Variants in IDH3B observed in about 807,000 individuals in gnomAD.
IDH3B encodes isocitrate dehydrogenase (NAD(+)) 3 non-catalytic subunit beta.
Under a neutral mutation model 47.5 loss-of-function variants are expected in IDH3B, and 40 were observed. The observed-to-expected ratio is 0.84, with a 90% CI of 0.65 to 1.10. The LOEUF (loss-of-function observed/expected upper bound fraction) is 1.10. IDH3B is among the 50% of genes least tolerant of loss of function. IDH3B has a pLI of 0.00. For synonymous variants in IDH3B, 185 were observed against 191.0 expected, an observed-to-expected ratio of 0.97 and a Z score of 0.26; for missense variants, 450 against 505.2, an observed-to-expected ratio of 0.89 and a Z score of 1.05.
At chr20:2,663,876 G>A (rs754870309) in intron 2 of IDH3B, 49 bp downstream of exon 2, 4 of 1,600,832 alleles carry the variant, frequency 2.5e-6, no homozygotes, top group Non-Finnish European at 3.4e-6. Context: ...AGGGAGCAGC[G>A]AGGAAGGGAC....
chr20:2,663,466 T>C lies in IDH3B; in HGVS notation c.317A>G (p.Glu106Gly). The C allele has an allele frequency of 3.1e-6, 5 of 1,614,224 alleles. No individual in the cohort carries two copies. In the South Asian group the frequency reaches 5.5e-5, roughly 18 times the overall value. The part of the protein sequence containing the change: ...KLEQVLSSMK[E>G]NKVAIIGKIH... Reference sequence around the variant, plus strand: ...CATACCAATGATGGCCACTTTGTTCTCCTTCATGGAACTCAGCACCTGCTC... The same window carrying C: ...CATACCAATGATGGCCACTTTGTTCCCCTTCATGGAACTCAGCACCTGCTC... The change falls in exon 4 of 12, where the codon GAG becomes GGG. Residue 106 changes from glutamate to glycine, a missense_variant. Physicochemically the swap from Glu to Gly is moderately conservative, Grantham distance 98. Transcript: ENST00000380843.
Position 2,658,588 on chromosome 20 carries a change from C to G in IDH3B, c.*163G>C. On this transcript the variant is annotated 3_prime_UTR_variant, in exon 12 of 12. Coordinates refer to ENST00000380843, the MANE Select transcript of IDH3B (RefSeq NM_006899.5). ...CATCCTAACAATCCCCATCACCACC[C>G]AACAGTCTGTCCCCTAAGGAAGCCG... 6.2e-7 allele frequency: 1 copy of G among 1,612,090 alleles called. No homozygotes were observed. Among genetic ancestry groups the G allele is most frequent in the Non-Finnish European group, 8.5e-7 (1 of 1,179,048 alleles).
chr20:2,658,461 G>T lies in IDH3B; in HGVS notation c.*290C>A, dbSNP rs371328637. On this transcript the variant is annotated 3_prime_UTR_variant, in exon 12 of 12. Transcript: ENST00000380843. ...CAGGGCCTATGGGTGGGGCAAGGCA[G>T]CAATGACAGCCTCAGTGAAGTCATG... 1 of 1,614,180 alleles carries T rather than the reference G, an allele frequency of 6.2e-7. No individual in the cohort carries two copies.
At chr20:2,659,932 G>A (rs939883825) in intron 9 of IDH3B, 98 bp downstream of exon 9, 247 of 1,542,990 alleles carry the variant, frequency 1.6e-4, no homozygotes, top group Non-Finnish European at 2.0e-4. Context: ...CGTGGGGGAA[G>A]AACAGGCCAA....
Position 2,659,689 on chromosome 20 carries a change from C to T in IDH3B, c.1010+10G>A, listed in dbSNP as rs376336268. ...CACCCAACCTCTGCCGACAGCCTCC[C>T]ATGACCTACTTAAGATGCCGCAGCA... is the stretch of plus-strand genomic sequence containing the variant. On this transcript the variant is annotated intron_variant, in intron 10 of 11. Transcript: ENST00000380843. 6.2e-7 allele frequency: 1 copy of T among 1,613,550 alleles called. No individual in the cohort carries two copies.
At position 2,658,553 on chromosome 20, in the gene IDH3B, G is replaced by C; in HGVS notation, c.*198C>G. 6.2e-7 allele frequency: 1 copy of C among 1,613,264 alleles called. No homozygotes were observed. The highest frequency in any genetic ancestry group is 8.5e-7 in the Non-Finnish European group (1 of 1,179,632). ...GGGGAGAATCATCATCATCCATGTG[G>C]CCTGGGCTCCATCCTAACAATCCCC... On this transcript the variant is annotated 3_prime_UTR_variant, in exon 12 of 12. Coordinates refer to ENST00000380843, the MANE Select transcript of IDH3B (RefSeq NM_006899.5).
At position 2,660,053 on chromosome 20, in the gene IDH3B, C is replaced by A. The variant is rs755802626; in HGVS notation, c.892G>T (p.Ala298Ser). Residue 298 changes from alanine to serine, a missense_variant, in exon 9 of 12, where the codon GCA (alanine) becomes TCA (serine). Coordinates refer to ENST00000380843, the MANE Select transcript of IDH3B (RefSeq NM_006899.5). The surrounding 1 kb of genome is among the most constrained non-coding windows in gnomAD (Gnocchi z 5.6). ...ACCGTCTCAAAGACTGCGTATTCTG[C>A]ACTATAGCTCTCACCAGGGACCACA... ...AGVVPGESYS[A>S]EYAVFETGAR... 1.2e-6 allele frequency: 2 copies of A among 1,614,024 alleles called. No homozygotes were observed. Among genetic ancestry groups the A allele is most frequent in the African/African-American group, 2.7e-5 (2 of 74,910 alleles).
At position 2,660,572 on chromosome 20, in the gene IDH3B, C is replaced by A; in HGVS notation, c.550G>T (p.Glu184Ter). ...GCTCGTGTGACAATCTTCAAACACT[C>A]AATCACACCCCTTGCACTCTGGGTA... is the stretch of plus-strand genomic sequence containing the variant. Reference protein sequence around the residue: ...LEHESARGVIECLKIVTRAKS... With the variant: ...LEHESARGVI Residue 184 changes from glutamate to a stop codon, truncating the protein, a stop_gained, in exon 7 of 12, where the codon GAG becomes TAG. Coordinates refer to ENST00000380843, the MANE Select transcript of IDH3B (RefSeq NM_006899.5). LOFTEE classifies it high-confidence loss of function. The surrounding 1 kb of genome is among the most constrained non-coding windows in gnomAD (Gnocchi z 5.6). 1.2e-6 allele frequency: 2 copies of A among 1,614,130 alleles called. No homozygotes were observed. The highest frequency in any genetic ancestry group is 1.7e-6 in the Non-Finnish European group (2 of 1,180,028).
Position 2,664,136 on chromosome 20 carries a change from A to G in IDH3B, c.36+17T>C. On this transcript the variant is annotated intron_variant, in intron 1 of 11. Transcript: ENST00000380843. ...GCTCCTTCGCCCGCCCCTGCCCGACATGTCCCGGGGCCTCACTCGGGTCAG... is the reference window on the plus strand; with the variant it reads ...GCTCCTTCGCCCGCCCCTGCCCGACGTGTCCCGGGGCCTCACTCGGGTCAG... 1 of 1,612,982 alleles carries G rather than the reference A, an allele frequency of 6.2e-7. No individual in the cohort carries two copies. Among genetic ancestry groups the G allele is most frequent in the East Asian group, 2.2e-5 (1 of 44,864 alleles).
rs762110349 is a variant in IDH3B at position 2,660,941 on chromosome 20, C to G, written c.366G>C (p.Lys122Asn). The change falls in exon 5 of 12, where the codon AAG (lysine) becomes AAC (asparagine). Residue 122 changes from lysine to asparagine, a missense_variant. By Grantham distance (94) the Lys-to-Asn change is moderately conservative. Transcript: ENST00000380843. This position sits in a 1 kb window ranked among gnomAD's most constrained non-coding sequence, Gnocchi z 5.6. Reference protein sequence around the residue: ...IGKIHTPMEYKGELASYDMRL... With the variant: ...IGKIHTPMEYNGELASYDMRL... ...GCATATCATAGGAGGCTAGCTCCCC[C>G]TTATACTCCATCGGGGTATGAATCT... 3 of 1,614,174 alleles carry G rather than the reference C, an allele frequency of 1.9e-6. No homozygotes were observed. In the South Asian group the frequency reaches 3.3e-5, roughly 18 times the overall value.
Position 2,660,627 on chromosome 20 carries a change from G to A in IDH3B, c.532-37C>T. 1 of 1,614,128 alleles carries A rather than the reference G, an allele frequency of 6.2e-7. No individual in the cohort carries two copies. ...GAAAGCAGCAGCTAGGTGACACTGG[G>A]AAGGGAAACAAGGAGCTCCACCTCT... On this transcript the variant is annotated intron_variant, in intron 6 of 11. Coordinates refer to ENST00000380843, the MANE Select transcript of IDH3B (RefSeq NM_006899.5). The surrounding 1 kb of genome is among the most constrained non-coding windows in gnomAD (Gnocchi z 5.6).
rs368124689 is a variant in IDH3B at position 2,659,560 on chromosome 20, C to T, written c.1036G>A (p.Ala346Thr). Residue 346 changes from alanine to threonine, a missense_variant, in exon 11 of 12, where the codon GCA (alanine) becomes ACA (threonine). Physicochemically the swap from Ala to Thr is moderately conservative, Grantham distance 58. Transcript: ENST00000380843. ...TTGATCACCTTCTTCACCGCATCTG[C>T]GATCATGCTGGAGTGATACTCAAGA... is the stretch of plus-strand genomic sequence containing the variant. ...LNLEYHSSMI[A>T]DAVKKVIKVG... The T allele has an allele frequency of 2.2e-5, 35 of 1,614,102 alleles. No homozygotes were observed. Among genetic ancestry groups the T allele is most frequent in the South Asian group, 3.3e-5 (3 of 91,094 alleles).
rs140923382 is a variant in IDH3B, at chr20:2,659,530, C to G, written c.1066G>C (p.Gly356Arg). 2 of 1,614,048 alleles carry G rather than the reference C, an allele frequency of 1.2e-6. No individual in the cohort carries two copies. The highest frequency in any genetic ancestry group is 2.7e-5 in the African/African-American group (2 of 74,930). The change falls in exon 11 of 12, where the codon GGC (glycine) becomes CGC (arginine). Residue 356 changes from glycine to arginine, a missense_variant. Physicochemically the swap from Gly to Arg is moderately radical, Grantham distance 125 (BLOSUM62 -2). Transcript: ENST00000380843. ...CACTACTCTTCTCAACTCACCTTGC[C>G]AACTTTGATCACCTTCTTCACCGCA... ...ADAVKKVIKV[G>R]KVRTRDMGGY...
intron 4 of IDH3B, 131 bp downstream of exon 4, chr20:2,663,315 A>C: frequency 8.9e-7 from 1 of 1,129,548 alleles, no homozygotes; most frequent in Admixed American, 1.7e-5. Flanking sequence ...GAAGGAACAA[A>C]TGTCCAAATA....
chr20:2,658,977 A>C, intron 11 of IDH3B, 140 bp from the exon 12 acceptor site: 1 of 1,348,742 alleles, frequency 7.4e-7, no homozygotes, highest in Non-Finnish European at 9.6e-7. Context: ...TGGAAGGAGG[A>C]GCCAGGATGG....
rs759903876 is a variant in IDH3B at position 2,663,673 on chromosome 20, T to C, written c.203A>G (p.Lys68Arg). 6 of 1,614,082 alleles carry C rather than the reference T, an allele frequency of 3.7e-6. No homozygotes were observed. Among genetic ancestry groups the C allele is most frequent in the South Asian group, 1.1e-5 (1 of 91,088 alleles). Residue 68 changes from lysine (K) to arginine (R), a missense_variant, in exon 3 of 12, where the codon AAG becomes AGG. By Grantham distance (26) the Lys-to-Arg change is conservative. Transcript: ENST00000380843. ...GAGGCCACTCACCTTGAACACCTCC[T>C]TGACGGCGTGCATCAGCTCAGGCCC... is the stretch of plus-strand genomic sequence containing the variant. Reference protein sequence around the residue: ...GVGPELMHAVKEVFKAAAVPV... With the variant: ...GVGPELMHAVREVFKAAAVPV...
At chr20:2,663,346 G>C (rs895521466) in intron 4 of IDH3B, 100 bp downstream of exon 4, 44 of 1,401,692 alleles carry the variant, frequency 3.1e-5, no homozygotes, top group Non-Finnish European at 4.3e-5. Flanking sequence ...TTGCCCTGGA[G>C]TTAATATAAT....
Position 2,660,493 on chromosome 20 carries a change from C to T in IDH3B, c.629G>A (p.Arg210Gln). 2.5e-6 allele frequency: 4 copies of T among 1,614,134 alleles called. No homozygotes were observed. The highest frequency in any genetic ancestry group is 3.4e-6 in the Non-Finnish European group (4 of 1,180,024). ...CTTGTGGACAGCAGTGACCTTGCCCCGCCCCTTCTTGGTGGCATAGTCAAA... is the reference window on the plus strand; with the variant it reads ...CTTGTGGACAGCAGTGACCTTGCCCTGCCCCTTCTTGGTGGCATAGTCAAA... Reference protein sequence around the residue: ...FAFDYATKKGRGKVTAVHKAN... With the variant: ...FAFDYATKKGQGKVTAVHKAN... Residue 210 changes from arginine (R) to glutamine (Q), a missense_variant, in exon 7 of 12, where the codon CGG becomes CAG. Physicochemically the swap from Arg to Gln is conservative, Grantham distance 43 (BLOSUM62 1). Coordinates refer to ENST00000380843, the MANE Select transcript of IDH3B (RefSeq NM_006899.5). The surrounding 1 kb of genome is among the most constrained non-coding windows in gnomAD (Gnocchi z 5.6).
In IDH3B at chr20:2,660,262, C is replaced by A. The variant is rs1568548317; in HGVS notation, c.768+1G>T. 6.8e-6 allele frequency: 11 copies of A among 1,614,170 alleles called. No individual in the cohort carries two copies. Among genetic ancestry groups the A allele is most frequent in the Non-Finnish European group, 9.3e-6 (11 of 1,180,008 alleles). ...TGAGTAGAGATGTGGGGAGGCCTCA[C>A]CTGCATGCAGCAGTTGTCTATGATC... is the stretch of plus-strand genomic sequence containing the variant. On this transcript the variant is annotated splice_donor_variant, in intron 8 of 11. Coordinates refer to ENST00000380843, the MANE Select transcript of IDH3B (RefSeq NM_006899.5). LOFTEE classifies it high-confidence loss of function. The surrounding 1 kb of genome is among the most constrained non-coding windows in gnomAD (Gnocchi z 5.6).
Sources: allele counts gnomAD v4.1 joint callset, GRCh38; gene constraint gnomAD v4.1.1; non-coding constraint Gnocchi (gnomAD v3.1); transcripts MANE v1.5; gene names NCBI Gene and HGNC (gene_info 2026-07-23, HGNC 2026-07-21).